SLC44A5: variants seen among roughly 807,000 people sequenced by gnomAD.
SLC44A5 encodes solute carrier family 44 member 5, also known as choline transporter-like protein 5.
Under a neutral mutation model 101.8 loss-of-function variants are expected in SLC44A5, and 57 were observed. The observed-to-expected ratio is 0.56, with a 90% CI of 0.45 to 0.70. SLC44A5 has a LOEUF of 0.70. SLC44A5 is among the 30% of genes least tolerant of loss of function. The pLI, the probability that SLC44A5 is intolerant of heterozygous loss-of-function variation, is 0.00. For missense variants in SLC44A5, 737 were observed against 853.1 expected (o/e 0.86, Z 1.70); for synonymous variants, 281 against 290.9 (o/e 0.97, Z 0.35).
intron 7 of SLC44A5, among the ~76,000 whole-genome samples, chr1:75,249,664 T>C (rs1336481959): frequency 2.0e-5 from 3 of 152,196 alleles, no homozygotes; most frequent in African/African-American, 7.2e-5. Context: ...AGTTTGTAAT[T>C]CTAATTTTTC....
chr1:75,470,610 G>A (rs536142770), intron 2 of SLC44A5, among the ~76,000 whole-genome samples: 1 of 152,296 alleles, frequency 6.6e-6, no homozygotes, highest in Non-Finnish European at 1.5e-5. Flanking sequence ...TGTTACTGGC[G>A]TCAGCTTCCT....
chr1:75,552,651 C>A (rs1672004406), intron 1 of SLC44A5, among the ~76,000 whole-genome samples: 1 of 149,456 alleles, frequency 6.7e-6, no homozygotes, highest in African/African-American at 2.5e-5. Flanking sequence ...TCATTTGGGC[C>A]CTTTTTCCCA....
At chr1:75,353,978 T>C (rs1396007863) in intron 3 of SLC44A5, 2 of 328,560 alleles carry the variant, frequency 6.1e-6, no homozygotes, top group Admixed American at 4.1e-5. Flanking sequence ...TTCTTCCACA[T>C]TGTATTCACT....
chr1:75,538,412 G>C (rs1671169842), intron 2 of SLC44A5, among the ~76,000 whole-genome samples: 1 of 152,118 alleles, frequency 6.6e-6, no homozygotes, highest in African/African-American at 2.4e-5. Context: ...TTGTAAAATA[G>C]ATTTAGATAG....
chr1:75,553,401 A>G, intron 1 of SLC44A5, among the ~76,000 whole-genome samples: 1 of 152,166 alleles, frequency 6.6e-6, no homozygotes, highest in Non-Finnish European at 1.5e-5. Context: ...CCAGTTTTAT[A>G]TTTTGAGGTT....
At chr1:75,587,758 G>A (rs946913309) in intron 1 of SLC44A5, among the ~76,000 whole-genome samples, 1 of 152,212 alleles carries the variant, frequency 6.6e-6, no homozygotes, top group Non-Finnish European at 1.5e-5. Flanking sequence ...GTCAAGAGCA[G>A]GACAAACAAC....
At chr1:75,455,622 C>G (rs1013925854) in intron 2 of SLC44A5, among the ~76,000 whole-genome samples, 1 of 152,006 alleles carries the variant, frequency 6.6e-6, no homozygotes, top group Non-Finnish European at 1.5e-5. Flanking sequence ...ACACATCCAA[C>G]AAAATTCTAA....
intron 1 of SLC44A5, among the ~76,000 whole-genome samples, chr1:75,586,613 C>A (rs1194664065): frequency 6.6e-5 from 10 of 151,884 alleles, no homozygotes; most frequent in South Asian, 2.1e-4. Context: ...CCTTAACTGA[C>A]ACCTGTCTTC....
chr1:75,296,556 A>G (rs939933652), intron 5 of SLC44A5, among the ~76,000 whole-genome samples: 8 of 152,012 alleles, frequency 5.3e-5, no homozygotes, highest in African/African-American at 1.9e-4. Flanking sequence ...TTTTTTAGCT[A>G]GATCATTGAA....
chr1:75,470,542 G>T (rs6593575), intron 2 of SLC44A5, among the ~76,000 whole-genome samples: 29,052 of 152,038 alleles, frequency 0.19, 3,840 homozygotes, highest in East Asian at 0.75. Flanking sequence ...ACCAAGATAG[G>T]GAAGGTATAA....
At position 75,477,529 on chromosome 1, in the gene SLC44A5, A is replaced by G. The variant is rs543134446; in HGVS notation, c.13+63906T>C. Among the ~76,000 whole-genome samples the G allele has an allele frequency of 4.9e-4, 75 of 152,348 alleles. 1 individual carries two copies. The highest frequency in any genetic ancestry group is 1.8e-3 in the African/African-American group (73 of 41,574). On this transcript the variant is annotated intron_variant, in intron 2 of 23. Coordinates refer to ENST00000370859, the MANE Select transcript of SLC44A5 (RefSeq NM_001130058.2). Reference sequence around the variant, plus strand: ...AAAAAATTTAGATGAATGCATAACTAGAATAACCAATACAGAGAAGTGCTT... The same window carrying G: ...AAAAAATTTAGATGAATGCATAACTGGAATAACCAATACAGAGAAGTGCTT...
intron 18 of SLC44A5, among the ~76,000 whole-genome samples, chr1:75,216,878 G>A (rs944299168): frequency 1.3e-5 from 2 of 151,952 alleles, no homozygotes; most frequent in African/African-American, 2.4e-5. Context: ...ATATGATTTG[G>A]AAATATTTTC....
the SLC44A5 span, among the ~76,000 whole-genome samples, chr1:75,678,938 C>T: frequency 6.6e-6 from 1 of 152,094 alleles, no homozygotes; most frequent in South Asian, 2.1e-4. Flanking sequence ...GAGCTGAAAA[C>T]GAAGGCTCGA....
intron 1 of SLC44A5, among the ~76,000 whole-genome samples, chr1:75,557,773 T>C (rs1672301914): frequency 6.6e-6 from 1 of 152,142 alleles, no homozygotes; most frequent in Admixed American, 6.6e-5. Flanking sequence ...TTATGTAATT[T>C]ATTTGCTCAA....
chr1:75,446,180 A>G (rs1665565300), intron 2 of SLC44A5, among the ~76,000 whole-genome samples: 1 of 152,200 alleles, frequency 6.6e-6, no homozygotes, highest in Non-Finnish European at 1.5e-5. Context: ...GGATCAAGTC[A>G]CATAGTCTCT....
At chr1:75,463,302 C>T (rs867267581) in intron 2 of SLC44A5, among the ~76,000 whole-genome samples, 2 of 151,830 alleles carry the variant, frequency 1.3e-5, no homozygotes, top group Non-Finnish European at 2.9e-5. Flanking sequence ...CGCCTGTAGT[C>T]CCAGCTACTC....
chr1:75,628,255 G>A, the SLC44A5 span, among the ~76,000 whole-genome samples: 1 of 152,052 alleles, frequency 6.6e-6, no homozygotes, highest in Admixed American at 6.6e-5. Context: ...TTGTTTCACT[G>A]CTTTCATAGT....
chr1:75,365,650 A>G (rs1472386085), intron 3 of SLC44A5, among the ~76,000 whole-genome samples: 1 of 152,234 alleles, frequency 6.6e-6, no homozygotes, highest in African/African-American at 2.4e-5. Context: ...ATGCCCATCA[A>G]TGATAGACTG....
At chr1:75,211,594 T>C in intron 22 of SLC44A5, 42 bp from the exon 23 acceptor site, 2 of 1,386,052 alleles carry the variant, frequency 1.4e-6, no homozygotes, top group Non-Finnish European at 1.0e-6. Context: ...TCATTTACTT[T>C]GACCAGAAGA....
Sources: gnomAD v4.1 joint callset for allele counts (sites outside exome capture counted in the v4.1 genomes callset) on GRCh38, gnomAD v4.1.1 for gene constraint, MANE v1.5 for transcripts, NCBI Gene and HGNC (gene_info 2026-07-23, HGNC 2026-07-21) for gene names.